The following SHANK2 variants were observed in gnomAD, a reference collection of about 807,000 sequenced individuals.
SHANK2 encodes SH3 and multiple ankyrin repeat domains 2, also known as SH3 and multiple ankyrin repeat domains protein 2.
Under a neutral mutation model 133.7 loss-of-function variants are expected in SHANK2, and 43 were observed. The ratio of observed to expected loss-of-function variants is 0.32; its 90% CI spans 0.25 to 0.41. SHANK2 has a LOEUF of 0.41. SHANK2 is among the 10% of genes least tolerant of loss of function. SHANK2 has a pLI of 1.00. For missense variants in SHANK2, 1,994 were observed against 2,235.8 expected, an observed-to-expected ratio of 0.89 and a Z score of 2.18; for synonymous variants, 1,017 against 952.8, an observed-to-expected ratio of 1.07 and a Z score of -1.24.
At chr11:71,155,866 G>A (rs192318470) in intron 2 of SHANK2, among the ~76,000 whole-genome samples, 11 of 152,342 alleles carry the variant, frequency 7.2e-5, no homozygotes, top group African/African-American at 2.4e-4. Flanking sequence ...ATCCGTATGT[G>A]GAAGTCCGAA....
intron 17 of SHANK2, among the ~76,000 whole-genome samples, chr11:70,506,911 C>T (rs575581598): frequency 2.5e-4 from 38 of 152,316 alleles, no homozygotes; most frequent in African/African-American, 7.5e-4. Context: ...GGCCTCAAAC[C>T]ATCCACACAC....
At chr11:71,119,883 C>T (rs781916915) in intron 3 of SHANK2, among the ~76,000 whole-genome samples, 3 of 152,246 alleles carry the variant, frequency 2.0e-5, no homozygotes, top group Non-Finnish European at 2.9e-5. Context: ...TGACATGGAT[C>T]GTTCTTTAGC....
chr11:70,901,381 C>T (rs995335369), intron 10 of SHANK2, among the ~76,000 whole-genome samples: 1 of 152,190 alleles, frequency 6.6e-6, no homozygotes, highest in Admixed American at 6.5e-5. Context: ...TCAGGCTGGG[C>T]ACCCACAGAA....
chr11:71,237,685 A>C (rs1178526370), intron 1 of SHANK2, among the ~76,000 whole-genome samples: 1 of 152,206 alleles, frequency 6.6e-6, no homozygotes, highest in Non-Finnish European at 1.5e-5. Flanking sequence ...GTCTAACACC[A>C]AAGGCCCCAA....
intron 11 of SHANK2, among the ~76,000 whole-genome samples, chr11:70,854,871 G>C (rs1242850009): frequency 1.3e-5 from 2 of 152,208 alleles, no homozygotes; most frequent in Non-Finnish European, 2.9e-5. Flanking sequence ...ACTAGGCACT[G>C]GTCTCCCTAC....
chr11:70,515,248 A>G (rs1338413459), intron 17 of SHANK2, among the ~76,000 whole-genome samples: 2 of 152,196 alleles, frequency 1.3e-5, no homozygotes, highest in African/African-American at 4.8e-5. Flanking sequence ...CATGTTGCCC[A>G]GGCTGGTCTT....
chr11:71,078,798 T>C (rs917728934), intron 8 of SHANK2, among the ~76,000 whole-genome samples: 2 of 152,184 alleles, frequency 1.3e-5, no homozygotes, highest in Non-Finnish European at 2.9e-5. Context: ...ATAATTTGCA[T>C]GTAATTAAAA....
rs531599935 is a variant in SHANK2 at position 70,505,243 on chromosome 11, G to C, written c.2062-2312C>G. On this transcript the variant is annotated intron_variant, in intron 17 of 25. Transcript: ENST00000601538. ...CAGAAAAGGCCAAGGCCTGAGAGCA[G>C]GGCCTTGGATGCCAGGGTGAAGTTA... 1.5e-3 allele frequency among the ~76,000 whole-genome samples: 233 copies of C among 152,268 alleles called. 3 individuals are homozygous for C. The Middle Eastern group carries it at 0.024, about 16-fold the overall frequency.
chr11:70,844,025 G>A (rs1410053298), intron 11 of SHANK2, among the ~76,000 whole-genome samples: 2 of 152,144 alleles, frequency 1.3e-5, no homozygotes, highest in Non-Finnish European at 2.9e-5. Flanking sequence ...ACCACACTGT[G>A]CTGCGTGCAC....
chr11:70,748,610 C>G (rs1409405265), intron 14 of SHANK2, among the ~76,000 whole-genome samples: 2 of 152,124 alleles, frequency 1.3e-5, no homozygotes, highest in Non-Finnish European at 2.9e-5. Flanking sequence ...CTAATGCCAC[C>G]CCGATATTGC....
chr11:70,487,292 A>G lies in SHANK2; in HGVS notation c.3001T>C (p.Tyr1001His). 6 of 1,614,162 alleles carry G rather than the reference A, an allele frequency of 3.7e-6. No individual in the cohort carries two copies. Among genetic ancestry groups the G allele is most frequent in the Non-Finnish European group, 5.1e-6 (6 of 1,180,018 alleles). The change falls in exon 25 of 26, where the codon TAC (tyrosine) becomes CAC (histidine). Residue 1001 changes from tyrosine to histidine, a missense_variant. This residue lies in a region of SHANK2 where 488 missense variants were observed against 642.6 expected (regional missense o/e 0.76). Coordinates refer to ENST00000601538, the MANE Select transcript of SHANK2 (RefSeq NM_012309.5). The surrounding 1 kb of genome is among the most constrained non-coding windows in gnomAD (Gnocchi z 5.8). ...CGCCTGGCGGGCTTGGCGGGGACGT[A>G]GACGGCTTTGCTGGCGATCTTCCCC... Reference protein sequence around the residue: ...EVGKIASKAVYVPAKPARRKG... With the variant: ...EVGKIASKAVHVPAKPARRKG...
rs1555042253 is a variant in SHANK2, at chr11:70,769,743, CAT to C, written c.1777+28698_1777+28699del. 2.0e-4 allele frequency among the ~76,000 whole-genome samples: 12 copies of C among 60,306 alleles called. No individual in the cohort carries two copies. The East Asian group carries it at 3.5e-3, about 18-fold the overall frequency. The allele number at this position is 60,306 out of a possible 152,430, so 39.6% of individuals were successfully genotyped here. A position where few individuals can be genotyped will look rare whatever the true frequency, so the allele number is the denominator to read the frequency against. On this transcript the variant is annotated intron_variant, in intron 14 of 25. Transcript: ENST00000601538. ...TGTGTTCTATGTGGGCATGTGTAGG[CAT>C]GTGTGTATGTTCTATGTGGGCATGT...
At chr11:71,195,595 G>A (rs574737935) in intron 2 of SHANK2, among the ~76,000 whole-genome samples, 17 of 152,112 alleles carry the variant, frequency 1.1e-4, no homozygotes, top group Non-Finnish European at 2.1e-4. Context: ...CCGAAACAGA[G>A]TTTTTTCATA....
chr11:70,656,634 C>T (rs912809125), intron 17 of SHANK2, among the ~76,000 whole-genome samples: 18 of 152,124 alleles, frequency 1.2e-4, no homozygotes, highest in South Asian at 2.1e-4. Context: ...AATGGCAAAT[C>T]GCACCATCCA....
intron 14 of SHANK2, among the ~76,000 whole-genome samples, chr11:70,777,806 T>A (rs955799478): frequency 1.3e-5 from 2 of 152,160 alleles, no homozygotes; most frequent in African/African-American, 4.8e-5. Flanking sequence ...ATCAAACACA[T>A]CACTGGGAAA....
Position 70,535,841 on chromosome 11 carries a change from G to A in SHANK2, c.2062-32910C>T, listed in dbSNP as rs1338378747. Among the ~76,000 whole-genome samples the A allele has an allele frequency of 1.3e-5, 2 of 152,208 alleles. No individual in the cohort carries two copies. The highest frequency in any genetic ancestry group is 1.3e-4 in the Admixed American group (2 of 15,290). ...TGGGCCCAGGCACTTGGGAAGCTTG[G>A]GAGCCTGAGAAGAAGGTGTCAGGGC... On this transcript the variant is annotated intron_variant, in intron 17 of 25. Coordinates refer to ENST00000601538, the MANE Select transcript of SHANK2 (RefSeq NM_012309.5). The surrounding 1 kb of genome is among the most constrained non-coding windows in gnomAD (Gnocchi z 4.3).
At position 71,094,567 on chromosome 11, in the gene SHANK2, A is replaced by G; in HGVS notation, c.714T>C (p.Ala238=). The change falls in exon 7 of 26, where the codon GCT becomes GCC. Residue 238 remains alanine (A), a synonymous_variant. Transcript: ENST00000601538. ...AKDGMTALHK[A]ARARNQVALK... ...GGGCAACTTGGTTCCTCGCTCGGGC[A>G]GCTTTGTGTAGGGCGGTCATCCCAT... is the stretch of plus-strand genomic sequence containing the variant. 1.3e-6 allele frequency: 2 copies of G among 1,551,444 alleles called. No homozygotes were observed. The highest frequency in any genetic ancestry group is 1.7e-6 in the Non-Finnish European group (2 of 1,146,860).
At chr11:70,656,430 C>T (rs1288876190) in intron 17 of SHANK2, among the ~76,000 whole-genome samples, 1 of 152,128 alleles carries the variant, frequency 6.6e-6, no homozygotes, top group Non-Finnish European at 1.5e-5. Flanking sequence ...TGCTCCAAGC[C>T]TCGGCTTCAG....
chr11:70,530,511 G>A (rs192601482), intron 17 of SHANK2, among the ~76,000 whole-genome samples: 61 of 152,280 alleles, frequency 4.0e-4, no homozygotes, highest in Middle Eastern at 3.4e-3. Context: ...ACTCCTGCCT[G>A]GGTGACAGAG....
Sources: gnomAD v4.1 joint callset for allele counts (sites outside exome capture counted in the v4.1 genomes callset) on GRCh38, gnomAD v4.1.1 for gene constraint, gnomAD v4.1.1 regional missense constraint, Gnocchi (gnomAD v3.1) non-coding constraint, MANE v1.5 for transcripts, NCBI Gene and HGNC (gene_info 2026-07-23, HGNC 2026-07-21) for gene names.